CACNA1S: variants seen among roughly 807,000 people sequenced by gnomAD.
CACNA1S encodes the protein calcium voltage-gated channel subunit alpha1 S.
A neutral mutation model predicts 207.4 loss-of-function variants in CACNA1S; 126 were observed. That is an observed-to-expected ratio of 0.61 (90% CI 0.53 to 0.70). The LOEUF (loss-of-function observed/expected upper bound fraction) is 0.70. Ranked by LOEUF, CACNA1S falls within the 30% of genes least tolerant of loss-of-function variation. CACNA1S has a pLI of 0.00. For missense variants in CACNA1S, 2,349 were observed against 2,422.8 expected (o/e 0.97, Z 0.64); for synonymous variants, 960 against 932.7 (o/e 1.03, Z -0.53).
chr1:201,075,643 G>A, intron 12 of CACNA1S, 28 bp from the exon 13 acceptor site: 1 of 1,612,648 alleles, frequency 6.2e-7, no homozygotes, highest in Non-Finnish European at 8.5e-7. Flanking sequence ...AGAGGGCTCG[G>A]GAACACAGAG....
intron 7 of CACNA1S, among the ~76,000 whole-genome samples, 195 bp downstream of exon 7, chr1:201,087,631 C>T (rs1209798003): frequency 1.3e-5 from 2 of 152,066 alleles, no homozygotes; most frequent in Non-Finnish European, 2.9e-5. Context: ...TGACAGGGAA[C>T]CCAGGGATGA....
In CACNA1S at chr1:201,078,448, C is replaced by T. The variant is rs528434328; in HGVS notation, c.1394-344G>A. On this transcript the variant is annotated intron_variant, in intron 10 of 43. Transcript: ENST00000362061. Reference sequence around the variant, plus strand: ...CTCCTGGGCTCAAGCAATCCACTGGCCTCAGCCTCCCAAAATGCTGGGATT... The same window carrying T: ...CTCCTGGGCTCAAGCAATCCACTGGTCTCAGCCTCCCAAAATGCTGGGATT... 8.0e-5 allele frequency among the ~76,000 whole-genome samples: 12 copies of T among 150,664 alleles called. No homozygotes were observed. In the South Asian group the frequency reaches 2.5e-3, roughly 32 times the overall value.
At chr1:201,103,321 G>A (rs1662749208) in intron 2 of CACNA1S, among the ~76,000 whole-genome samples, 1 of 152,158 alleles carries the variant, frequency 6.6e-6, no homozygotes, top group Admixed American at 6.5e-5. Context: ...AGAGAGTTTA[G>A]GAAGCTGCCA....
chr1:201,087,756 T>C, intron 7 of CACNA1S, 70 bp downstream of exon 7: 1 of 915,630 alleles, frequency 1.1e-6, no homozygotes, highest in Non-Finnish European at 1.7e-6. Context: ...CCTCCGTTCC[T>C]TTTCCTTCCT....
At chr1:201,068,989 G>T in intron 19 of CACNA1S, 148 bp downstream of exon 19, 1 of 726,958 alleles carries the variant, frequency 1.4e-6, no homozygotes, top group Non-Finnish European at 2.5e-6. Context: ...GATACTTGTG[G>T]GCCTGCCGGT....
intron 32 of CACNA1S, 132 bp downstream of exon 32, chr1:201,052,425 T>C (rs1660685661): frequency 7.1e-6 from 5 of 708,526 alleles, no homozygotes; most frequent in Non-Finnish European, 2.6e-6. Context: ...GGGACCCTTC[T>C]GAGTATAGGA....
chr1:201,058,523 G>A, intron 27 of CACNA1S, 32 bp from the exon 28 acceptor site: 1 of 1,542,956 alleles, frequency 6.5e-7, no homozygotes, highest in Middle Eastern at 1.8e-4. Flanking sequence ...AAGCGAGGGG[G>A]TGAGCTTTGG....
intron 21 of CACNA1S, 55 bp from the exon 22 acceptor site, chr1:201,066,000 G>A: frequency 1.5e-6 from 2 of 1,303,574 alleles, no homozygotes; most frequent in South Asian, 2.4e-5. Context: ...AACCCTGCTA[G>A]CCCAGTTGAG....
chr1:201,040,155 T>C, intron 43 of CACNA1S, 73 bp from the exon 44 acceptor site: 2 of 1,611,944 alleles, frequency 1.2e-6, no homozygotes, highest in Non-Finnish European at 1.7e-6. Flanking sequence ...CTGTTGGCCC[T>C]ACCCTCTCTC....
chr1:201,043,035 C>T (rs1040760791), intron 40 of CACNA1S: 9 of 487,870 alleles, frequency 1.8e-5, no homozygotes, highest in East Asian at 8.0e-5. Flanking sequence ...CTGAAGCCGA[C>T]GGAATAAAAG....
chr1:201,056,930 C>T (rs922188398), intron 28 of CACNA1S, among the ~76,000 whole-genome samples: 4 of 152,154 alleles, frequency 2.6e-5, no homozygotes, highest in Non-Finnish European at 4.4e-5. Context: ...GACACTGATC[C>T]CTTCTCACAG....
chr1:201,099,572 G>A (rs546777714), intron 2 of CACNA1S, among the ~76,000 whole-genome samples: 1 of 152,310 alleles, frequency 6.6e-6, no homozygotes, highest in East Asian at 1.9e-4. Flanking sequence ...TTTAAGGCAC[G>A]TGTGCTGCAT....
rs1045743762 is a variant in CACNA1S at position 201,064,952 on chromosome 1, G to A, written c.2853+886C>T. 5.3e-5 allele frequency among the ~76,000 whole-genome samples: 8 copies of A among 152,250 alleles called. No individual in the cohort carries two copies. The South Asian group carries it at 8.3e-4, about 16-fold the overall frequency. On this transcript the variant is annotated intron_variant, in intron 22 of 43. Transcript: ENST00000362061. The stretch of plus-strand genomic sequence containing the variant: ...GCAGCCCAGCTGCACTGACGGAGGC[G>A]GAGTGTGGGGCTGGGATAGGGCGTA...
rs148625301 is a variant in CACNA1S at position 201,089,324 on chromosome 1, G to A, written c.834C>T (p.Phe278=). ...GGTACACGGTGAGCATGGAGAAGCC[G>A]AAGTTGTCGAAGTGGGTGATGCCAT... is the stretch of plus-strand genomic sequence containing the variant. ...PNHGITHFDN[F]GFSMLTVYQC... Residue 278 remains phenylalanine, a synonymous_variant, in exon 6 of 44, where the codon TTC becomes TTT. Transcript: ENST00000362061. 3.9e-5 allele frequency: 63 copies of A among 1,614,266 alleles called. No individual in the cohort carries two copies. Among genetic ancestry groups the A allele is most frequent in the African/African-American group, 1.6e-4 (12 of 75,062 alleles).
Position 201,060,622 on chromosome 1 carries a change from G to C in CACNA1S, c.3414+36C>G, listed in dbSNP as rs761457597. The C allele has an allele frequency of 2.5e-6, 4 of 1,605,942 alleles. No homozygotes were observed. In the South Asian group the frequency reaches 4.4e-5, roughly 18 times the overall value. Reference sequence around the variant, plus strand: ...TGCCCTACCCAAGGCCCAGGTCCCAGTCTGATCAGACATTTTTCTCCTGGG... The same window carrying C: ...TGCCCTACCCAAGGCCCAGGTCCCACTCTGATCAGACATTTTTCTCCTGGG... On this transcript the variant is annotated intron_variant, in intron 26 of 43. Transcript: ENST00000362061.
chr1:201,077,049 G>A lies in CACNA1S; in HGVS notation c.1698C>T (p.Leu566=), dbSNP rs1334421273. The A allele has an allele frequency of 5.0e-6, 8 of 1,614,138 alleles. No homozygotes were observed. Among genetic ancestry groups the A allele is most frequent in the East Asian group, 4.5e-5 (2 of 44,902 alleles). Residue 566 remains leucine (L), a synonymous_variant, in exon 12 of 44, where the codon CTC becomes CTT. Coordinates refer to ENST00000362061, the MANE Select transcript of CACNA1S (RefSeq NM_000069.3). The stretch of plus-strand genomic sequence containing the variant: ...GGGCGAAGATGACGATGAAGAGGAA[G>A]AGCAGCAGCAGCAGGGAGGCGATGG... ...IRSIASLLLL[L]FLFIVIFALL... is the part of the protein sequence containing the mutation.
intron 13 of CACNA1S, 48 bp downstream of exon 13, chr1:201,075,447 C>CCCCCCCCCCCCCCAACCCTTTTTTT: frequency 6.3e-7 from 1 of 1,598,624 alleles, no homozygotes; most frequent in South Asian, 1.1e-5. Flanking sequence ...GCCCTTTCCC[C>CCCCCCCCCCCCCCAACCCTTTTTTT]CACCCCCTCC....
intron 2 of CACNA1S, among the ~76,000 whole-genome samples, chr1:201,107,554 A>T (rs531185396): frequency 6.6e-6 from 1 of 152,246 alleles, no homozygotes; most frequent in South Asian, 2.1e-4. Context: ...GACACTAAAG[A>T]TGCATTCGTT....
At chr1:201,110,035 G>A in intron 2 of CACNA1S, 129 bp downstream of exon 2, 1 of 841,148 alleles carries the variant, frequency 1.2e-6, no homozygotes, top group Non-Finnish European at 2.0e-6. Context: ...GGTGGCTGGG[G>A]ATGCAGGGCC....
Sources: gnomAD v4.1 joint callset for allele counts (sites outside exome capture counted in the v4.1 genomes callset) on GRCh38, gnomAD v4.1.1 for gene constraint, MANE v1.5 for transcripts, NCBI Gene and HGNC (gene_info 2026-07-23, HGNC 2026-07-21) for gene names.